CHD9: variants seen among roughly 807,000 people sequenced by gnomAD.
CHD9 encodes ATP-dependent chromatin remodeler CHD9.
In CHD9, 77 loss-of-function variants were observed where a neutral mutation model predicts 316.1. The observed-to-expected ratio is 0.24, with a 90% CI of 0.20 to 0.29. The LOEUF (loss-of-function observed/expected upper bound fraction) is 0.29. Ranked by LOEUF, CHD9 falls within the 10% of genes least tolerant of loss-of-function variation. CHD9 has a pLI of 1.00. For missense variants in CHD9, 2,763 were observed against 3,438.1 expected (o/e 0.80, Z 4.91); for synonymous variants, 1,129 against 1,158.3 (o/e 0.97, Z 0.51).
intron 1 of CHD9, among the ~76,000 whole-genome samples, chr16:53,086,527 G>A (rs55946649): frequency 0.11 from 16,979 of 152,174 alleles, 1,337 homozygotes; most frequent in East Asian, 0.43. Context: ...GGAGACATTG[G>A]AAGGTCCAGG....
At chr16:53,078,929 T>C (rs1284193451) in intron 1 of CHD9, among the ~76,000 whole-genome samples, 1 of 152,198 alleles carries the variant, frequency 6.6e-6, no homozygotes, top group Non-Finnish European at 1.5e-5. Flanking sequence ...ACCAGAGTTA[T>C]CTGCTTATTT....
chr16:53,292,128 CT>C (rs1490409858), intron 28 of CHD9, among the ~76,000 whole-genome samples: 1 of 152,174 alleles, frequency 6.6e-6, no homozygotes, highest in East Asian at 1.9e-4. Flanking sequence ...TTCTACAAAG[CT>C]TTTCTGTGCC....
intron 20 of CHD9, among the ~76,000 whole-genome samples, chr16:53,266,329 A>G (rs1042508131): frequency 6.6e-6 from 1 of 152,178 alleles, no homozygotes. Context: ...CATACATATT[A>G]TGGCATACCA....
At chr16:53,257,842 A>G (rs1343843019) in intron 19 of CHD9, among the ~76,000 whole-genome samples, 1 of 152,200 alleles carries the variant, frequency 6.6e-6, no homozygotes, top group Non-Finnish European at 1.5e-5. Context: ...ATGACTAAGT[A>G]GATGTACCCC....
At position 53,322,896 on chromosome 16, in the gene CHD9, G is replaced by A. The variant is rs138160867; in HGVS notation, c.7819-1124G>A. ...ATGTTAGCAATGGTTATCTCTGAAT[G>A]TTGAGATGATGGATGATTTTTTTAA... On this transcript the variant is annotated intron_variant, in intron 38 of 38. Transcript: ENST00000447540. Among the ~76,000 whole-genome samples, 1,105 of 152,284 alleles carry A rather than the reference G, an allele frequency of 7.3e-3. 8 individuals carry two copies. The highest frequency in any genetic ancestry group is 0.011 in the Non-Finnish European group (726 of 68,026).
intron 1 of CHD9, among the ~76,000 whole-genome samples, chr16:53,101,738 G>A (rs2036902807): frequency 6.6e-6 from 1 of 152,178 alleles, no homozygotes; most frequent in South Asian, 2.1e-4. Flanking sequence ...TCTAAGGAGA[G>A]TACCCTAGTA....
intron 2 of CHD9, among the ~76,000 whole-genome samples, chr16:53,193,274 C>G (rs1242267616): frequency 2.0e-5 from 3 of 152,002 alleles, no homozygotes; most frequent in Non-Finnish European, 4.4e-5. Flanking sequence ...CGGTGAAACC[C>G]TGTCGCTACT....
intron 3 of CHD9, among the ~76,000 whole-genome samples, chr16:53,210,558 AG>A (rs1490255978): frequency 6.6e-6 from 1 of 152,128 alleles, no homozygotes; most frequent in African/African-American, 2.4e-5. Context: ...TTAGCATGCA[AG>A]GGTAAGCATA....
intron 1 of CHD9, among the ~76,000 whole-genome samples, chr16:53,128,922 A>G (rs1193208636): frequency 6.6e-6 from 1 of 152,232 alleles, no homozygotes; most frequent in African/African-American, 2.4e-5. Flanking sequence ...AGACGCATCA[A>G]AAAAGTAGGA....
At chr16:53,134,764 C>T (rs2039592828) in intron 1 of CHD9, among the ~76,000 whole-genome samples, 1 of 152,164 alleles carries the variant, frequency 6.6e-6, no homozygotes, top group East Asian at 1.9e-4. Context: ...CCACTTTGAA[C>T]TGTAATTTAT....
At chr16:53,120,011 A>G (rs1035948768) in intron 1 of CHD9, among the ~76,000 whole-genome samples, 2 of 151,860 alleles carry the variant, frequency 1.3e-5, no homozygotes, top group Non-Finnish European at 2.9e-5. Context: ...GGGTTGCTTA[A>G]GCCTCGGAGT....
intron 1 of CHD9, among the ~76,000 whole-genome samples, chr16:53,079,766 A>T (rs954630681): frequency 1.3e-5 from 2 of 152,198 alleles, no homozygotes; most frequent in Non-Finnish European, 2.9e-5. Context: ...TTTGAGGAGC[A>T]TCTGGGTTGG....
intron 2 of CHD9, among the ~76,000 whole-genome samples, chr16:53,187,101 C>T (rs959909117): frequency 5.9e-5 from 9 of 152,162 alleles, no homozygotes; most frequent in African/African-American, 1.9e-4. Context: ...AGAAGGTCTA[C>T]AGTCAGTGGA....
At chr16:53,208,243 C>T in intron 2 of CHD9, 1 of 1,210,282 alleles carries the variant, frequency 8.3e-7, no homozygotes, top group Non-Finnish European at 1.1e-6. Context: ...TAGGAATCTT[C>T]TTTCAATGCT....
chr16:53,231,273 G>T, intron 8 of CHD9, 146 bp from the exon 9 acceptor site: 1 of 523,030 alleles, frequency 1.9e-6, no homozygotes, highest in Non-Finnish European at 3.4e-6. Flanking sequence ...CTATCATTTG[G>T]AAATGAAAAT....
rs924012292 is a variant in CHD9 at position 53,085,552 on chromosome 16, A to G, written c.-165+30475A>G. Among the ~76,000 whole-genome samples, 3 of 152,256 alleles carry G rather than the reference A, an allele frequency of 2.0e-5. No homozygotes were observed. In the East Asian group the frequency reaches 5.8e-4, roughly 29 times the overall value. ...TGGGGGCTGGGTTCTTTCTGCTTTC[A>G]AGGGGATAAGTTCCCATTCCATAAA... On this transcript the variant is annotated intron_variant, in intron 1 of 38. Coordinates refer to ENST00000447540, the MANE Select transcript of CHD9 (RefSeq NM_001308319.2).
At chr16:53,063,623 T>C (rs1351089013) in intron 1 of CHD9, among the ~76,000 whole-genome samples, 2 of 151,844 alleles carry the variant, frequency 1.3e-5, no homozygotes, top group South Asian at 2.1e-4. Flanking sequence ...AGCTCCGCCT[T>C]CGGGTTCACG....
chr16:53,289,134 T>C (rs1487765301), intron 27 of CHD9, among the ~76,000 whole-genome samples: 1 of 151,968 alleles, frequency 6.6e-6, no homozygotes, highest in East Asian at 1.9e-4. Context: ...ATAAAAAAAT[T>C]CCTATTGAAA....
rs546292416 is a variant in CHD9, at chr16:53,292,818, C to T, written c.5291-15C>T. 3.1e-4 allele frequency: 487 copies of T among 1,592,340 alleles called. No individual in the cohort carries two copies. Among genetic ancestry groups the T allele is most frequent in the Admixed American group, 5.7e-4 (34 of 59,910 alleles). ...ATCTGTTTAGTTATTATTACTATTA[C>T]TTATTTAACTATAGATGGTCAACTG... On this transcript the variant is annotated splice_polypyrimidine_tract_variant and intron_variant, in intron 28 of 38. Transcript: ENST00000447540.
Sources: allele counts gnomAD v4.1 joint callset (sites outside exome capture counted in the v4.1 genomes callset), GRCh38; gene constraint gnomAD v4.1.1; transcripts MANE v1.5; gene names NCBI Gene and HGNC (gene_info 2026-07-23, HGNC 2026-07-21).